NAALADL2: variants seen among roughly 807,000 people sequenced by gnomAD.
NAALADL2 encodes the protein inactive N-acetylated-alpha-linked acidic dipeptidase-like protein 2.
Under a neutral mutation model 87.2 loss-of-function variants are expected in NAALADL2, and 76 were observed. The observed-to-expected ratio is 0.87, with a 90% confidence interval of 0.72 to 1.05. NAALADL2 has a LOEUF of 1.05. Among genes scored for constraint, NAALADL2 ranks in the 50% least tolerant of loss-of-function variants. NAALADL2 has a pLI of 0.00. For synonymous variants in NAALADL2, 354 were observed against 331.0 expected (o/e 1.07, Z -0.75); for missense variants, 1,089 against 945.8 (o/e 1.15, Z -1.99).
intron 1 of NAALADL2, among the ~76,000 whole-genome samples, chr3:175,088,140 G>A (rs191232639): frequency 7.8e-4 from 118 of 152,124 alleles, no homozygotes; most frequent in African/African-American, 2.8e-3. Flanking sequence ...GAACTGAATC[G>A]TATAATGGTA....
intron 11 of NAALADL2, among the ~76,000 whole-genome samples, chr3:175,667,711 T>C (rs1733388093): frequency 6.6e-6 from 1 of 151,514 alleles, no homozygotes; most frequent in African/African-American, 2.4e-5. Context: ...CCTTAGATGC[T>C]CATAACCTCA....
chr3:175,458,713 A>C (rs1315072207), intron 6 of NAALADL2, among the ~76,000 whole-genome samples: 1 of 151,926 alleles, frequency 6.6e-6, no homozygotes, highest in African/African-American at 2.4e-5. Context: ...ATATTTACTT[A>C]GGTAATTAGA....
chr3:174,813,923 T>C (rs1189220824), intron 3 of NAALADL2, among the ~76,000 whole-genome samples: 1 of 152,190 alleles, frequency 6.6e-6, no homozygotes, highest in East Asian at 1.9e-4. Context: ...ATAGGTAGTG[T>C]CTAATATATG....
At chr3:175,719,897 T>C (rs530963997) in intron 11 of NAALADL2, among the ~76,000 whole-genome samples, 1 of 152,316 alleles carries the variant, frequency 6.6e-6, no homozygotes, top group South Asian at 2.1e-4. Context: ...TTGCACAGTC[T>C]CCTCATGTGA....
chr3:174,445,716 G>A (rs1457661988), intron 1 of NAALADL2, among the ~76,000 whole-genome samples: 1 of 152,030 alleles, frequency 6.6e-6, no homozygotes, highest in Non-Finnish European at 1.5e-5. Context: ...AATCTATAGT[G>A]ATATTTGGTA....
chr3:175,418,544 C>T (rs1581799782), intron 5 of NAALADL2, among the ~76,000 whole-genome samples: 1 of 152,084 alleles, frequency 6.6e-6, no homozygotes, highest in African/African-American at 2.4e-5. Flanking sequence ...CTGAGCAATG[C>T]ATCACATAAA....
At chr3:174,600,198 A>G (rs1011442996) in intron 2 of NAALADL2, among the ~76,000 whole-genome samples, 2 of 152,144 alleles carry the variant, frequency 1.3e-5, no homozygotes, top group Non-Finnish European at 2.9e-5. Context: ...TTCTGAATAC[A>G]ATTTTTGCAG....
intron 4 of NAALADL2, among the ~76,000 whole-genome samples, chr3:175,303,341 CT>C (rs972035688): frequency 2.0e-5 from 3 of 151,994 alleles, no homozygotes; most frequent in Admixed American, 2.0e-4. Context: ...AGGATAAAAC[CT>C]TGTATTTAAG....
chr3:174,804,958 G>T (rs755608402), intron 3 of NAALADL2, among the ~76,000 whole-genome samples: 12 of 151,982 alleles, frequency 7.9e-5, no homozygotes, highest in African/African-American at 2.9e-4. Context: ...TGCCATTTTG[G>T]CAAGTAGTTC....
intron 11 of NAALADL2, among the ~76,000 whole-genome samples, chr3:175,695,422 C>T (rs1291204147): frequency 2.6e-5 from 4 of 152,068 alleles, no homozygotes; most frequent in Admixed American, 2.6e-4. Context: ...GTAGATGCCA[C>T]ATCACAATTC....
intron 10 of NAALADL2, among the ~76,000 whole-genome samples, chr3:175,618,293 C>G (rs1439805246): frequency 2.6e-5 from 4 of 152,196 alleles, no homozygotes; most frequent in Non-Finnish European, 5.9e-5. Flanking sequence ...CTTGTAGGAG[C>G]AGAAGTGAGG....
chr3:175,221,581 TG>T (rs1743372692), intron 2 of NAALADL2, among the ~76,000 whole-genome samples: 1 of 152,158 alleles, frequency 6.6e-6, no homozygotes, highest in East Asian at 1.9e-4. Context: ...TTGCATTTTT[TG>T]GTACCTTCAA....
At chr3:174,853,936 G>C (rs1236347309) in intron 3 of NAALADL2, among the ~76,000 whole-genome samples, 1 of 152,108 alleles carries the variant, frequency 6.6e-6, no homozygotes, top group African/African-American at 2.4e-5. Context: ...TATTGGGAAT[G>C]TAAATTATTA....
intron 4 of NAALADL2, among the ~76,000 whole-genome samples, chr3:175,271,731 G>A (rs1037436520): frequency 8.5e-5 from 13 of 152,206 alleles, no homozygotes; most frequent in Non-Finnish European, 1.3e-4. Flanking sequence ...GGAGGCAGAG[G>A]TTGCAGTGAG....
chr3:175,262,336 GT>G (rs1751172212), intron 4 of NAALADL2, among the ~76,000 whole-genome samples: 2 of 151,980 alleles, frequency 1.3e-5, no homozygotes, highest in South Asian at 4.1e-4. Context: ...AAGAACATTT[GT>G]TCAATCCAAA....
intron 2 of NAALADL2, among the ~76,000 whole-genome samples, chr3:175,190,994 A>G (rs926006101): frequency 6.0e-5 from 9 of 149,486 alleles, no homozygotes; most frequent in African/African-American, 2.0e-4. Flanking sequence ...AAAAAAAAAA[A>G]AAAAGAAAAA....
chr3:174,898,333 G>A (rs1222465996), intron 1 of NAALADL2, among the ~76,000 whole-genome samples: 1 of 151,410 alleles, frequency 6.6e-6, no homozygotes, highest in African/African-American at 2.4e-5. Context: ...ATTGGGAAGG[G>A]TAGAGGGGGG....
chr3:175,210,303 A>C (rs1170564008), intron 2 of NAALADL2, among the ~76,000 whole-genome samples: 1 of 151,854 alleles, frequency 6.6e-6, no homozygotes, highest in Non-Finnish European at 1.5e-5. Context: ...AGTTAAGATA[A>C]TATGGTAAGA....
chr3:174,901,660 A>T (rs1732314946), intron 1 of NAALADL2, among the ~76,000 whole-genome samples: 1 of 152,084 alleles, frequency 6.6e-6, no homozygotes, highest in African/African-American at 2.4e-5. Flanking sequence ...CCAGCTGCAA[A>T]ATCCAAGGAC....
Sources: allele counts gnomAD v4.1 joint callset (sites outside exome capture counted in the v4.1 genomes callset), GRCh38; gene constraint gnomAD v4.1.1; transcripts MANE v1.5; gene names NCBI Gene and HGNC (gene_info 2026-07-23, HGNC 2026-07-21).